Variants in TMEM14B observed in about 807,000 individuals in gnomAD.
TMEM14B encodes transmembrane protein 14B.
A neutral mutation model predicts 14.8 loss-of-function variants in TMEM14B; 9 were observed. That is an observed-to-expected ratio of 0.61 (90% CI 0.37 to 1.06). TMEM14B has a LOEUF of 1.06. Among genes scored for constraint, TMEM14B ranks in the 50% least tolerant of loss-of-function variants. The pLI is 0.01. For missense variants in TMEM14B, 128 were observed against 143.6 expected, an observed-to-expected ratio of 0.89 and a Z score of 0.56; for synonymous variants, 40 against 51.3, an observed-to-expected ratio of 0.78 and a Z score of 0.94.
At chr6:10,748,200 G>C (rs1771403603) in intron 1 of TMEM14B, among the ~76,000 whole-genome samples, 1 of 152,044 alleles carries the variant, frequency 6.6e-6, no homozygotes, top group Non-Finnish European at 1.5e-5. Context: ...CTGTGGGCAA[G>C]ATCCCAAGCC....
intron 1 of TMEM14B, among the ~76,000 whole-genome samples, chr6:10,748,791 C>G (rs886102606): frequency 6.6e-6 from 1 of 152,112 alleles, no homozygotes; most frequent in African/African-American, 2.4e-5. Context: ...TTGGCTGTTG[C>G]ATCAGTGAAG....
At chr6:10,749,580 A>C (rs755894398) in intron 2 of TMEM14B, 42 bp from the exon 3 acceptor site, 1 of 1,608,050 alleles carries the variant, frequency 6.2e-7, no homozygotes, top group Non-Finnish European at 8.5e-7. Context: ...TTTTAAATCC[A>C]GGTTAGCACT....
intron 4 of TMEM14B, among the ~76,000 whole-genome samples, chr6:10,752,452 C>CTTTTT (rs60849022): frequency 9.8e-5 from 11 of 112,494 alleles, no homozygotes; most frequent in South Asian, 3.1e-4. Flanking sequence ...CATAAACTAC[C>CTTTTT]TTTTTTTTTT....
At chr6:10,758,583 G>A (rs565905), downstream of TMEM14B, among the ~76,000 whole-genome samples, 29,091 of 152,190 alleles carry the variant, frequency 0.19, 3,489 homozygotes, top group Middle Eastern at 0.3. Flanking sequence ...TCTGGAGTCT[G>A]GTGGAGGAGG....
downstream of TMEM14B, among the ~76,000 whole-genome samples, chr6:10,758,237 A>T (rs142884381): frequency 6.6e-6 from 1 of 152,110 alleles, no homozygotes; most frequent in Non-Finnish European, 1.5e-5. Context: ...TTGAGTCTCA[A>T]CGTTGGCCAT....
At chr6:10,752,442 C>T (rs1581613018) in intron 4 of TMEM14B, among the ~76,000 whole-genome samples, 1 of 147,762 alleles carries the variant, frequency 6.8e-6, no homozygotes, top group Non-Finnish European at 1.5e-5. Context: ...CCTTCCCCTT[C>T]ATAAACTACC....
downstream of TMEM14B, among the ~76,000 whole-genome samples, chr6:10,758,237 A>G (rs142884381): frequency 1.5e-3 from 235 of 152,226 alleles, 2 homozygotes; most frequent in Non-Finnish European, 2.9e-3. Flanking sequence ...TTGAGTCTCA[A>G]CGTTGGCCAT....
downstream of TMEM14B, among the ~76,000 whole-genome samples, chr6:10,757,969 C>T (rs1355819704): frequency 1.3e-5 from 2 of 149,434 alleles, no homozygotes; most frequent in African/African-American, 5.0e-5. Context: ...CCAACCTGGG[C>T]GACAGGGTGA....
Position 10,749,613 on chromosome 6 carries a change from T to G in TMEM14B, c.24-9T>G. 6.2e-7 allele frequency: 1 copy of G among 1,614,224 alleles called. No homozygotes were observed. The highest frequency in any genetic ancestry group is 8.5e-7 in the Non-Finnish European group (1 of 1,180,022). The stretch of plus-strand genomic sequence containing the variant: ...ACTGACTTCTCACTGACTTCTCTTG[T>G]GTTTTCAGAGTGCCTTTGCATTGGT... On this transcript the variant is annotated splice_polypyrimidine_tract_variant and intron_variant, in intron 2 of 5. Coordinates refer to ENST00000379542, the MANE Select transcript of TMEM14B (RefSeq NM_030969.5).
intron 3 of TMEM14B, chr6:10,749,902 A>G: frequency 1.5e-6 from 1 of 647,146 alleles, no homozygotes; most frequent in Non-Finnish European, 2.7e-6. Context: ...CTCTTGTGGA[A>G]TTACTTATTT....
chr6:10,749,452 ACT>A (rs1167879950), intron 2 of TMEM14B, among the ~76,000 whole-genome samples, 168 bp from the exon 3 acceptor site: 2 of 151,992 alleles, frequency 1.3e-5, no homozygotes, highest in Admixed American at 6.6e-5. Context: ...TAGTTGTGTG[ACT>A]CTCAGAAAGT....
chr6:10,759,418 G>C (rs1045610665), downstream of TMEM14B: 11 of 152,110 alleles, frequency 7.2e-5, no homozygotes, highest in Admixed American at 6.5e-5. Context: ...GGTGTACCAA[G>C]AAATATCCTC....
rs891852568 is a variant in TMEM14B, at chr6:10,751,234, G to A, written c.202G>A (p.Ala68Thr). 5 of 1,613,700 alleles carry A rather than the reference G, an allele frequency of 3.1e-6. No homozygotes were observed. Among genetic ancestry groups the A allele is most frequent in the South Asian group, 1.1e-5 (1 of 91,088 alleles). The change falls in exon 4 of 6, where the codon GCC becomes ACC. Residue 68 changes from alanine (A) to threonine (T), a missense_variant and splice_region_variant. Ala to Thr is a moderately conservative substitution (Grantham distance 58). Coordinates refer to ENST00000379542, the MANE Select transcript of TMEM14B (RefSeq NM_030969.5). The stretch of plus-strand genomic sequence containing the variant: ...TCCAAGGAACGTTTGGGGTTTCCTA[G>A]GTATGTCTGCTTCAGCGTCTCCTTA... ...QDPRNVWGFLAATSVTFVGVM... is the reference protein window; with the variant it reads ...QDPRNVWGFLTATSVTFVGVM...
intron 4 of TMEM14B, among the ~76,000 whole-genome samples, chr6:10,752,452 C>CTTTTTTT (rs60849022): frequency 8.9e-6 from 1 of 112,506 alleles, no homozygotes; most frequent in Non-Finnish European, 1.7e-5. Flanking sequence ...CATAAACTAC[C>CTTTTTTT]TTTTTTTTTT....
rs764241832 is a variant in TMEM14B at position 10,751,127 on chromosome 6, T to C, written c.101-6T>C. 2.5e-6 allele frequency: 4 copies of C among 1,613,490 alleles called. No homozygotes were observed. Among genetic ancestry groups the C allele is most frequent in the African/African-American group, 2.7e-5 (2 of 74,886 alleles). ...TACAATGCAAGCTGCGTTTGCTTCC[T>C]TCTAGGCAGCGTGCCGTCCCTGGCT... On this transcript the variant is annotated splice_region_variant and splice_polypyrimidine_tract_variant and intron_variant, in intron 3 of 5. Coordinates refer to ENST00000379542, the MANE Select transcript of TMEM14B (RefSeq NM_030969.5).
intron 4 of TMEM14B, among the ~76,000 whole-genome samples, chr6:10,753,898 C>T (rs750096034): frequency 6.6e-6 from 1 of 152,176 alleles, no homozygotes; most frequent in African/African-American, 2.4e-5. Context: ...TTCCCAAGGA[C>T]GTTCCTTAGC....
chr6:10,758,612 C>A (rs9461130), downstream of TMEM14B, among the ~76,000 whole-genome samples: 645 of 152,054 alleles, frequency 4.2e-3, 4 homozygotes, highest in African/African-American at 0.014. Flanking sequence ...TAAACAAAGG[C>A]AGTATAGAAA....
chr6:10,754,751 G>T (rs1278342650), intron 4 of TMEM14B, among the ~76,000 whole-genome samples: 1 of 152,254 alleles, frequency 6.6e-6, no homozygotes, highest in Non-Finnish European at 1.5e-5. Flanking sequence ...TTGACATGTA[G>T]TAGGTGCTTT....
intron 3 of TMEM14B, among the ~76,000 whole-genome samples, chr6:10,750,717 G>C (rs1561913778): frequency 6.6e-6 from 1 of 152,026 alleles, no homozygotes; most frequent in Non-Finnish European, 1.5e-5. Flanking sequence ...CAGTGAAAGA[G>C]CCAAGATGGA....
Sources: allele counts gnomAD v4.1 joint callset (sites outside exome capture counted in the v4.1 genomes callset), GRCh38; gene constraint gnomAD v4.1.1; transcripts MANE v1.5; gene names NCBI Gene and HGNC (gene_info 2026-07-23, HGNC 2026-07-21).